CNTN1: variants seen among roughly 807,000 people sequenced by gnomAD.
CNTN1 encodes contactin-1.
In CNTN1, 38 loss-of-function variants were observed where a neutral mutation model predicts 126.4. The observed-to-expected ratio is 0.30, with a 90% CI of 0.23 to 0.39. The LOEUF is 0.39. Ranked by LOEUF, CNTN1 falls within the 10% of genes least tolerant of loss-of-function variation. CNTN1 has a pLI of 1.00. For synonymous variants in CNTN1, 413 were observed against 422.6 expected, an observed-to-expected ratio of 0.98 and a Z score of 0.28; for missense variants, 1,009 against 1,248.4, an observed-to-expected ratio of 0.81 and a Z score of 2.89.
At chr12:41,009,362 C>T (rs1948588667) in intron 17 of CNTN1, among the ~76,000 whole-genome samples, 1 of 152,094 alleles carries the variant, frequency 6.6e-6, no homozygotes, top group African/African-American at 2.4e-5. Context: ...ATGTCATTTC[C>T]CAGGATTAAT....
intron 17 of CNTN1, among the ~76,000 whole-genome samples, chr12:41,013,632 G>T (rs897043247): frequency 1.3e-5 from 2 of 152,144 alleles, no homozygotes; most frequent in Non-Finnish European, 2.9e-5. Flanking sequence ...ATGACAGAAA[G>T]ATTTTTAAGA....
chr12:40,786,709 G>T (rs1023873790), intron 1 of CNTN1, among the ~76,000 whole-genome samples: 2 of 152,104 alleles, frequency 1.3e-5, no homozygotes, highest in Admixed American at 6.6e-5. Flanking sequence ...AGAAGAACTG[G>T]AAGCAGAGAA....
At chr12:40,802,444 A>G (rs1940690835) in intron 1 of CNTN1, among the ~76,000 whole-genome samples, 1 of 152,054 alleles carries the variant, frequency 6.6e-6, no homozygotes, top group African/African-American at 2.4e-5. Context: ...CATCAATGAC[A>G]AGACACTTTT....
chr12:40,697,033 T>C (rs1941467816), intron 1 of CNTN1, among the ~76,000 whole-genome samples: 1 of 152,248 alleles, frequency 6.6e-6, no homozygotes. Context: ...GTCAATATTC[T>C]ATGATAGATC....
At position 41,024,010 on chromosome 12, in the gene CNTN1, C is replaced by A. The variant is rs922665037; in HGVS notation, c.2524-1140C>A. Among the ~76,000 whole-genome samples the A allele has an allele frequency of 2.0e-5, 3 of 152,080 alleles. No homozygotes were observed. In the East Asian group the frequency reaches 5.8e-4, roughly 29 times the overall value. On this transcript the variant is annotated intron_variant, in intron 20 of 23. Coordinates refer to ENST00000551295, the MANE Select transcript of CNTN1 (RefSeq NM_001843.4). ...GCAACTGGTACTCCATCCCTTGAGA[C>A]CTTTGAGGAGTTTTATAAATGTGCC...
At chr12:40,934,457 A>G (rs373977669) in intron 9 of CNTN1, among the ~76,000 whole-genome samples, 11 of 150,248 alleles carry the variant, frequency 7.3e-5, no homozygotes, top group East Asian at 3.9e-4. Flanking sequence ...CAAAATTATC[A>G]TGGCACAAAC....
chr12:40,900,314 A>C (rs573077642), intron 1 of CNTN1, among the ~76,000 whole-genome samples: 1 of 152,348 alleles, frequency 6.6e-6, no homozygotes, highest in East Asian at 1.9e-4. Context: ...ATTTAAGCCC[A>C]TGGTGTCACA....
At chr12:40,864,575 A>G (rs1386853923) in intron 1 of CNTN1, among the ~76,000 whole-genome samples, 2 of 152,126 alleles carry the variant, frequency 1.3e-5, no homozygotes, top group East Asian at 3.9e-4. Flanking sequence ...CATGTGAATG[A>G]AATTGCACTA....
intron 23 of CNTN1, among the ~76,000 whole-genome samples, chr12:41,036,230 C>T (rs185180417): frequency 9.2e-5 from 14 of 152,120 alleles, no homozygotes; most frequent in Non-Finnish European, 1.8e-4. Context: ...CTATGACTTC[C>T]CAATTCTTCC....
chr12:40,916,434 A>G (rs1199039922), intron 3 of CNTN1, among the ~76,000 whole-genome samples: 1 of 152,138 alleles, frequency 6.6e-6, no homozygotes, highest in Admixed American at 6.6e-5. Context: ...GCACAAGGTC[A>G]TTTCTTTCAG....
Position 40,818,238 on chromosome 12 carries a change from C to G in CNTN1, c.-76-90119C>G, listed in dbSNP as rs974404857. ...GTCTTTCTAGGTTGGGGAAGTTCTC[C>G]TGGATAATATACTGAAGTGTGTTTT... is the stretch of plus-strand genomic sequence containing the variant. On this transcript the variant is annotated intron_variant, in intron 1 of 23. Transcript: ENST00000551295. 3.3e-5 allele frequency among the ~76,000 whole-genome samples: 5 copies of G among 152,164 alleles called. No homozygotes were observed. The East Asian group carries it at 9.6e-4, about 29-fold the overall frequency.
At chr12:41,020,537 T>C (rs2120780512) in intron 20 of CNTN1, 97 bp downstream of exon 20, 1 of 763,206 alleles carries the variant, frequency 1.3e-6, no homozygotes. Context: ...CATTAATTTA[T>C]GTGGCAACTA....
intron 1 of CNTN1, among the ~76,000 whole-genome samples, chr12:40,864,700 A>G (rs1592175738): frequency 6.6e-6 from 1 of 152,138 alleles, no homozygotes; most frequent in African/African-American, 2.4e-5. Flanking sequence ...ATAATATTCC[A>G]TTGTATAAAT....
chr12:40,845,365 T>G (rs1349083352), intron 1 of CNTN1, among the ~76,000 whole-genome samples: 1 of 152,226 alleles, frequency 6.6e-6, no homozygotes, highest in African/African-American at 2.4e-5. Flanking sequence ...GGCTACAAAT[T>G]AGACAATGCA....
chr12:40,833,621 T>C (rs570940488), intron 1 of CNTN1, among the ~76,000 whole-genome samples: 55 of 152,318 alleles, frequency 3.6e-4, no homozygotes, highest in African/African-American at 1.2e-3. Flanking sequence ...TTATTTTGAA[T>C]TTAAGGATCA....
At chr12:40,776,367 A>G (rs1939577325) in intron 1 of CNTN1, among the ~76,000 whole-genome samples, 1 of 151,672 alleles carries the variant, frequency 6.6e-6, no homozygotes, top group Admixed American at 6.6e-5. Flanking sequence ...TGCAAATTAT[A>G]TATCAATAAA....
chr12:40,923,543 G>A (rs1193232332), intron 5 of CNTN1, among the ~76,000 whole-genome samples: 1 of 151,974 alleles, frequency 6.6e-6, no homozygotes, highest in Non-Finnish European at 1.5e-5. Flanking sequence ...TGCACAAAAG[G>A]AAAGAAGACT....
intron 1 of CNTN1, among the ~76,000 whole-genome samples, chr12:40,760,835 G>GCGCACACACA (rs1555152658): frequency 9.0e-4 from 135 of 150,450 alleles, no homozygotes; most frequent in African/African-American, 3.3e-3. Flanking sequence ...TCAAAATAAT[G>GCGCACACACA]CACACACACA....
At chr12:40,776,395 T>C (rs201653373) in intron 1 of CNTN1, among the ~76,000 whole-genome samples, 1 of 151,726 alleles carries the variant, frequency 6.6e-6, no homozygotes, top group East Asian at 1.9e-4. Context: ...TTTTTTCTTT[T>C]GTTTTGTTTT....
Sources: allele counts gnomAD v4.1 joint callset (sites outside exome capture counted in the v4.1 genomes callset), GRCh38; gene constraint gnomAD v4.1.1; transcripts MANE v1.5; gene names NCBI Gene and HGNC (gene_info 2026-07-23, HGNC 2026-07-21).